The following CD300LF variants were observed in gnomAD, a reference collection of about 807,000 sequenced individuals.
CD300LF encodes the protein CD300 molecule like family member f.
In CD300LF, 27 loss-of-function variants were observed where a neutral mutation model predicts 32.2. The observed-to-expected ratio is 0.84, with a 90% CI of 0.62 to 1.15. The LOEUF is 1.15. CD300LF is among the 50% of genes most tolerant of loss of function. The pLI, the probability that CD300LF is intolerant of heterozygous loss-of-function variation, is 0.00. For missense variants in CD300LF, 348 were observed against 356.8 expected (o/e 0.98, Z 0.20); for synonymous variants, 139 against 143.2 (o/e 0.97, Z 0.21).
chr17:74,697,963 T>C (rs944166955), intron 4 of CD300LF, among the ~76,000 whole-genome samples: 1 of 152,144 alleles, frequency 6.6e-6, no homozygotes, highest in African/African-American at 2.4e-5. Flanking sequence ...TGTGTTTGTG[T>C]CTGTTTCTCC....
At position 74,706,897 on chromosome 17, in the gene CD300LF, C is replaced by G. The variant is rs111237965; in HGVS notation, c.44-2081G>C. 3.6e-3 allele frequency among the ~76,000 whole-genome samples: 551 copies of G among 152,310 alleles called. 3 individuals carry two copies. Among genetic ancestry groups the G allele is most frequent in the Non-Finnish European group, 5.9e-3 (404 of 68,032 alleles). Reference sequence around the variant, plus strand: ...GAACACACAATGGGGAAAGGACAGTCTCTTCAATAAACAGTGCTGGGAAAA... The same window carrying G: ...GAACACACAATGGGGAAAGGACAGTGTCTTCAATAAACAGTGCTGGGAAAA... On this transcript the variant is annotated intron_variant, in intron 1 of 6. Coordinates refer to ENST00000326165, the MANE Select transcript of CD300LF (RefSeq NM_139018.5).
At chr17:74,705,887 G>A (rs530592566) in intron 1 of CD300LF, among the ~76,000 whole-genome samples, 1 of 152,132 alleles carries the variant, frequency 6.6e-6, no homozygotes, top group Non-Finnish European at 1.5e-5. Context: ...GCCCCACAAC[G>A]CCTGGCCTGT....
chr17:74,700,435 C>T (rs934894449), intron 3 of CD300LF, among the ~76,000 whole-genome samples: 1 of 152,138 alleles, frequency 6.6e-6, no homozygotes, highest in African/African-American at 2.4e-5. Flanking sequence ...CTCACCTCTT[C>T]CAGTCTTTGC....
intron 1 of CD300LF, among the ~76,000 whole-genome samples, chr17:74,706,341 G>A (rs1422192594): frequency 6.8e-6 from 1 of 147,220 alleles, no homozygotes; most frequent in Non-Finnish European, 1.5e-5. Context: ...ACTGTGCCTG[G>A]CCTTTTTTTT....
At chr17:74,702,606 C>T (rs2033154747) in intron 3 of CD300LF, among the ~76,000 whole-genome samples, 1 of 152,128 alleles carries the variant, frequency 6.6e-6, no homozygotes. Context: ...CCTTGTCCTC[C>T]CAGAAGTTGA....
intron 2 of CD300LF, 89 bp from the exon 3 acceptor site, chr17:74,703,187 T>C: frequency 3.3e-6 from 5 of 1,531,468 alleles, no homozygotes; most frequent in South Asian, 2.3e-5. Flanking sequence ...CAGATGCCCC[T>C]GCCCATGAGC....
At chr17:74,711,882 C>CTTTTTT (rs368059740) in intron 1 of CD300LF, among the ~76,000 whole-genome samples, 1 of 147,732 alleles carries the variant, frequency 6.8e-6, no homozygotes, top group Admixed American at 6.8e-5. Context: ...TGTTTTCTTT[C>CTTTTTT]TTTTTTTTTC....
intron 3 of CD300LF, among the ~76,000 whole-genome samples, chr17:74,699,160 G>A (rs1320833056): frequency 1.3e-5 from 2 of 151,958 alleles, no homozygotes; most frequent in Non-Finnish European, 2.9e-5. Flanking sequence ...CTCATGATCC[G>A]CCCACCTCAG....
intron 3 of CD300LF, among the ~76,000 whole-genome samples, chr17:74,698,830 A>G (rs2032769093): frequency 6.6e-6 from 1 of 152,214 alleles, no homozygotes; most frequent in Admixed American, 6.5e-5. Flanking sequence ...ATTTACCGAT[A>G]TAACAAATCT....
intron 4 of CD300LF, among the ~76,000 whole-genome samples, chr17:74,697,435 C>G (rs577660846): frequency 7.1e-4 from 108 of 152,268 alleles, no homozygotes; most frequent in African/African-American, 2.6e-3. Context: ...AGGCCGTGGG[C>G]AATACATTTG....
intron 1 of CD300LF, among the ~76,000 whole-genome samples, chr17:74,711,518 C>G (rs2033960386): frequency 6.6e-6 from 1 of 152,240 alleles, no homozygotes; most frequent in Non-Finnish European, 1.5e-5. Flanking sequence ...CAGTCCTGGA[C>G]AAGTCACTTT....
rs1319047054 is a variant in CD300LF, at chr17:74,696,229, A to G, written c.560-12T>C. ...GGACATCCCGGCTGCTAAAAGACAA[A>G]CAACAATTCAGAATTAGAAAGCCCA... On this transcript the variant is annotated splice_polypyrimidine_tract_variant and intron_variant, in intron 4 of 6. Transcript: ENST00000326165. 1 of 1,604,826 alleles carries G rather than the reference A, an allele frequency of 6.2e-7. No homozygotes were observed. Among genetic ancestry groups the G allele is most frequent in the Admixed American group, 1.7e-5 (1 of 58,638 alleles).
rs563224008 is a variant in CD300LF, at chr17:74,707,495, A to T, written c.44-2679T>A. ...TTTGGGAGGCCACATTGGGTGGATC[A>T]TCTGAAGTCAGGAGTTTGAGACCAG... is the stretch of plus-strand genomic sequence containing the variant. On this transcript the variant is annotated intron_variant, in intron 1 of 6. Transcript: ENST00000326165. 5.9e-5 allele frequency among the ~76,000 whole-genome samples: 9 copies of T among 152,334 alleles called. No individual in the cohort carries two copies. The South Asian group carries it at 8.3e-4, about 14-fold the overall frequency.
intron 3 of CD300LF, chr17:74,698,727 C>A: frequency 3.3e-6 from 3 of 910,656 alleles, no homozygotes; most frequent in South Asian, 2.1e-5. Context: ...TGGGAGGAAG[C>A]AAAGAATCAA....
At chr17:74,706,314 G>A (rs1194668236) in intron 1 of CD300LF, among the ~76,000 whole-genome samples, 21 of 145,970 alleles carry the variant, frequency 1.4e-4, no homozygotes, top group Admixed American at 1.0e-3. Context: ...AAAGTGCTGC[G>A]ATTATAGGTG....
intron 1 of CD300LF, among the ~76,000 whole-genome samples, chr17:74,705,756 G>T (rs2033454150): frequency 6.6e-6 from 1 of 151,890 alleles, no homozygotes; most frequent in Admixed American, 6.6e-5. Context: ...CTCCACGCCT[G>T]GCTAATTTTT....
chr17:74,704,480 G>A lies in CD300LF; in HGVS notation c.380C>T (p.Pro127Leu). The A allele has an allele frequency of 1.9e-6, 3 of 1,607,852 alleles. No individual in the cohort carries two copies. The highest frequency in any genetic ancestry group is 2.6e-6 in the Non-Finnish European group (3 of 1,175,462). The change falls in exon 2 of 7, where the codon CCA becomes CTA. Residue 127 changes from proline to leucine, a missense_variant and splice_region_variant. Coordinates refer to ENST00000326165, the MANE Select transcript of CD300LF (RefSeq NM_139018.5). ...LGVTVQVTID[P>L]APVTQEETSS... is the part of the protein sequence containing the mutation. Reference sequence around the variant, plus strand: ...CACATATATACACTCCCTCTTACCTGGGTCAATGGTCACTTGAACTGTGAC... The same window carrying A: ...CACATATATACACTCCCTCTTACCTAGGTCAATGGTCACTTGAACTGTGAC...
Position 74,694,536 on chromosome 17 carries a change from C to T in CD300LF, c.*560G>A, listed in dbSNP as rs1194750226. On this transcript the variant is annotated 3_prime_UTR_variant, in exon 7 of 7. Transcript: ENST00000326165. ...GTCCACTTCCATCATCACTTTGTCTCTACCTCTTTGACCTTCTGGCCTCTT... is the reference window on the plus strand; with the variant it reads ...GTCCACTTCCATCATCACTTTGTCTTTACCTCTTTGACCTTCTGGCCTCTT... 2 of 152,264 alleles carry T rather than the reference C, an allele frequency of 1.3e-5. No homozygotes were observed. Among genetic ancestry groups the T allele is most frequent in the African/African-American group, 2.4e-5 (1 of 41,442 alleles). 9.4% of individuals were successfully genotyped at this position (152,264 alleles called of 1,614,324 possible).
intron 1 of CD300LF, 94 bp from the exon 2 acceptor site, chr17:74,704,910 C>T (rs991009438): frequency 3.7e-5 from 36 of 984,838 alleles, no homozygotes; most frequent in Non-Finnish European, 5.0e-5. Flanking sequence ...CCAAGTTTCA[C>T]AGGTTAAATA....
Sources: allele counts gnomAD v4.1 joint callset (sites outside exome capture counted in the v4.1 genomes callset), GRCh38; gene constraint gnomAD v4.1.1; transcripts MANE v1.5; gene names NCBI Gene and HGNC (gene_info 2026-07-23, HGNC 2026-07-21).